Variants in TMEM132B observed in about 807,000 individuals in gnomAD.
The protein encoded by TMEM132B is transmembrane protein 132B.
A neutral mutation model predicts 90.8 loss-of-function variants in TMEM132B; 18 were observed. That is an observed-to-expected ratio of 0.20 (90% CI 0.14 to 0.29). The LOEUF (loss-of-function observed/expected upper bound fraction) is 0.29, where lower values mean the gene tolerates loss of function less well. TMEM132B is among the 10% of genes least tolerant of loss of function. The pLI, the probability that TMEM132B is intolerant of heterozygous loss-of-function variation, is 1.00. For missense variants in TMEM132B, 1,096 were observed against 1,326.8 expected (o/e 0.83, Z 2.70); for synonymous variants, 504 against 523.3 (o/e 0.96, Z 0.50).
intron 1 of TMEM132B, among the ~76,000 whole-genome samples, chr12:125,231,706 T>A (rs1873828246): frequency 1.3e-5 from 2 of 152,292 alleles, no homozygotes; most frequent in Admixed American, 1.3e-4. Flanking sequence ...TTTTAAATTC[T>A]AGGATTTCAC....
At chr12:125,432,645 A>T (rs1007247570) in intron 3 of TMEM132B, among the ~76,000 whole-genome samples, 3 of 149,866 alleles carry the variant, frequency 2.0e-5, no homozygotes, top group Non-Finnish European at 4.4e-5. Context: ...GTTTATGAGC[A>T]TTACTTTTGC....
chr12:125,658,636 T>G lies in TMEM132B; in HGVS notation c.*3926T>G, dbSNP rs1210252676. 1 of 152,258 alleles carries G rather than the reference T, an allele frequency of 6.6e-6. No individual in the cohort carries two copies. 9.4% of individuals were successfully genotyped at this position (152,258 alleles called of 1,614,324 possible). A position where few individuals can be genotyped will look rare whatever the true frequency, so the allele number is the denominator to read the frequency against. On this transcript the variant is annotated 3_prime_UTR_variant, in exon 9 of 9. Transcript: ENST00000682704. ...AGGGACGGTATGGATGGTGGAAAAGTTATGCTAAAATATGGATTGCAGATA... is the reference window on the plus strand; with the variant it reads ...AGGGACGGTATGGATGGTGGAAAAGGTATGCTAAAATATGGATTGCAGATA...
intron 1 of TMEM132B, among the ~76,000 whole-genome samples, chr12:125,243,032 TACACACACACACACACACAC>T (rs765539161): frequency 7.4e-6 from 1 of 135,014 alleles, no homozygotes; most frequent in Non-Finnish European, 1.6e-5. Context: ...TATATATATA[TACACACACACACACACACAC>T]ATACATATAT....
chr12:125,308,803 A>C (rs1876056597), intron 1 of TMEM132B, among the ~76,000 whole-genome samples: 1 of 152,116 alleles, frequency 6.6e-6, no homozygotes, highest in African/African-American at 2.4e-5. Flanking sequence ...AAAACATTGA[A>C]GTTCTCTTTT....
intron 5 of TMEM132B, among the ~76,000 whole-genome samples, chr12:125,642,140 G>A (rs1270862295): frequency 6.6e-6 from 1 of 152,168 alleles, no homozygotes; most frequent in Non-Finnish European, 1.5e-5. Flanking sequence ...TCCTTGGGAA[G>A]GCAGATATTT....
chr12:125,411,544 A>G (rs1879839396), intron 2 of TMEM132B, among the ~76,000 whole-genome samples: 1 of 152,004 alleles, frequency 6.6e-6, no homozygotes, highest in Non-Finnish European at 1.5e-5. Flanking sequence ...AAAAATAAAA[A>G]CCGGAGATGC....
rs893436303 is a variant in TMEM132B at position 125,483,970 on chromosome 12, C to T, written c.1107-35469C>T. ...GATTAACCTAACATGAACATAATTGCTGGAGTCTAAACCTGCGGGGAGCCT... is the reference window on the plus strand; with the variant it reads ...GATTAACCTAACATGAACATAATTGTTGGAGTCTAAACCTGCGGGGAGCCT... On this transcript the variant is annotated intron_variant, in intron 3 of 8. Coordinates refer to ENST00000682704, the MANE Select transcript of TMEM132B (RefSeq NM_001366854.1). 2.7e-4 allele frequency among the ~76,000 whole-genome samples: 41 copies of T among 152,168 alleles called. 1 individual carries two copies. Among genetic ancestry groups the T allele is most frequent in the African/African-American group, 8.7e-4 (36 of 41,438 alleles).
chr12:125,606,912 T>C lies in TMEM132B; in HGVS notation c.1437+22918T>C, dbSNP rs972882543. 3.3e-5 allele frequency among the ~76,000 whole-genome samples: 5 copies of C among 152,290 alleles called. No homozygotes were observed. The Middle Eastern group carries it at 0.01, about 311-fold the overall frequency. On this transcript the variant is annotated intron_variant, in intron 5 of 8. Transcript: ENST00000682704. ...CATTGGCCAGAACTGAATCACTTGA[T>C]TATCCCCAAACCAATCAGTGTGGTG... is the stretch of plus-strand genomic sequence containing the variant.
chr12:125,564,154 A>G (rs1038719097), intron 4 of TMEM132B, among the ~76,000 whole-genome samples: 2 of 152,242 alleles, frequency 1.3e-5, no homozygotes, highest in Non-Finnish European at 2.9e-5. Flanking sequence ...CAGCAGTTTC[A>G]TTAATTTGAG....
rs1212491951 is a variant in TMEM132B, at chr12:125,546,340, G to A, written c.1293+26715G>A. Reference sequence around the variant, plus strand: ...TGGGACTACAGGCACCCGCCACCACGCCCGGCTAATTTTTTGTATTTTTAG... The same window carrying A: ...TGGGACTACAGGCACCCGCCACCACACCCGGCTAATTTTTTGTATTTTTAG... On this transcript the variant is annotated intron_variant, in intron 4 of 8. Coordinates refer to ENST00000682704, the MANE Select transcript of TMEM132B (RefSeq NM_001366854.1). 3.3e-5 allele frequency among the ~76,000 whole-genome samples: 5 copies of A among 151,894 alleles called. 1 individual carries two copies. The highest frequency in any genetic ancestry group is 1.3e-4 in the Admixed American group (2 of 15,248).
At chr12:125,414,921 A>G (rs541625522) in intron 2 of TMEM132B, among the ~76,000 whole-genome samples, 10 of 152,302 alleles carry the variant, frequency 6.6e-5, no homozygotes, top group African/African-American at 2.4e-4. Context: ...GCCTTTTCTC[A>G]ATGGCAACAC....
At chr12:125,380,452 C>T (rs759775962) in intron 2 of TMEM132B, among the ~76,000 whole-genome samples, 1 of 152,218 alleles carries the variant, frequency 6.6e-6, no homozygotes, top group Admixed American at 6.5e-5. Context: ...TGGGGGCCAT[C>T]ATTCAACCCA....
intron 5 of TMEM132B, among the ~76,000 whole-genome samples, chr12:125,605,879 C>G (rs766636007): frequency 5.9e-5 from 9 of 151,944 alleles, no homozygotes; most frequent in African/African-American, 9.7e-5. Context: ...GAAGATGAAC[C>G]AAAGAAATTG....
intron 1 of TMEM132B, among the ~76,000 whole-genome samples, chr12:125,305,490 C>A (rs1424393710): frequency 6.6e-6 from 1 of 152,032 alleles, no homozygotes; most frequent in East Asian, 1.9e-4. Context: ...GAAGTCCTGG[C>A]ATAAAGTAAA....
intron 2 of TMEM132B, among the ~76,000 whole-genome samples, chr12:125,361,027 C>A (rs1877940886): frequency 6.6e-6 from 1 of 152,018 alleles, no homozygotes; most frequent in Non-Finnish European, 1.5e-5. Context: ...AGGAAGCTAC[C>A]AAGCCTAGTG....
intron 3 of TMEM132B, among the ~76,000 whole-genome samples, chr12:125,419,390 C>T (rs572762533): frequency 3.9e-5 from 6 of 152,186 alleles, no homozygotes; most frequent in East Asian, 1.9e-4. Flanking sequence ...TGGCTGAAGG[C>T]GAATAAGGAG....
intron 2 of TMEM132B, among the ~76,000 whole-genome samples, chr12:125,360,581 G>A (rs1169456744): frequency 6.6e-6 from 1 of 152,182 alleles, no homozygotes; most frequent in Non-Finnish European, 1.5e-5. Context: ...AGGCTTTGAG[G>A]AAACAGACAT....
chr12:125,322,286 T>C (rs1271922963), intron 1 of TMEM132B, among the ~76,000 whole-genome samples: 7 of 152,256 alleles, frequency 4.6e-5, no homozygotes, highest in East Asian at 3.8e-4. Context: ...CCATGTAAGA[T>C]GTGCCTTTGT....
intron 4 of TMEM132B, among the ~76,000 whole-genome samples, chr12:125,583,436 A>C (rs949694960): frequency 5.3e-5 from 8 of 152,106 alleles, no homozygotes; most frequent in Non-Finnish European, 1.2e-4. Flanking sequence ...ATCACAATGA[A>C]GTCTATGTTC....
Sources: gnomAD v4.1 joint callset for allele counts (sites outside exome capture counted in the v4.1 genomes callset) on GRCh38, gnomAD v4.1.1 for gene constraint, MANE v1.5 for transcripts, NCBI Gene and HGNC (gene_info 2026-07-23, HGNC 2026-07-21) for gene names.